Variants in TMPRSS11A observed in about 807,000 individuals in gnomAD.
TMPRSS11A encodes transmembrane protease serine 11A.
TMPRSS11A carries 53 observed loss-of-function variants against 58.9 expected under a neutral mutation model. The observed-to-expected ratio is 0.90, with a 90% CI of 0.72 to 1.13. TMPRSS11A has a LOEUF of 1.13. Among genes scored for constraint, TMPRSS11A ranks in the 50% most tolerant of loss-of-function variants. The probability of loss-of-function intolerance (pLI) is 0.00; values close to 1 mark genes in which losing one functional copy is unlikely to be tolerated. For synonymous variants in TMPRSS11A, 167 were observed against 169.8 expected, an observed-to-expected ratio of 0.98 and a Z score of 0.13; for missense variants, 493 against 499.3, an observed-to-expected ratio of 0.99 and a Z score of 0.12.
At chr4:67,929,814 T>C in intron 5 of TMPRSS11A, 66 bp downstream of exon 5, 1 of 1,326,962 alleles carries the variant, frequency 7.5e-7, no homozygotes, top group Non-Finnish European at 1.0e-6. Flanking sequence ...GACAAATAAA[T>C]TTGAGATTCG....
chr4:67,962,246 T>C (rs1721448941), intron 1 of TMPRSS11A, among the ~76,000 whole-genome samples: 2 of 152,146 alleles, frequency 1.3e-5, no homozygotes, highest in African/African-American at 4.8e-5. Context: ...TCAGAGACTT[T>C]TTGTCAATTA....
chr4:67,924,973 C>CA (rs1720426793), intron 5 of TMPRSS11A, among the ~76,000 whole-genome samples: 2 of 138,304 alleles, frequency 1.4e-5, no homozygotes, highest in African/African-American at 5.3e-5. Flanking sequence ...TCACATAAAT[C>CA]TTTTTTTTTT....
chr4:67,910,790 T>A lies in TMPRSS11A; in HGVS notation c.*552A>T, dbSNP rs1315074573. The A allele has an allele frequency of 6.6e-6, 1 of 152,118 alleles. No individual in the cohort carries two copies. Among genetic ancestry groups the A allele is most frequent in the Non-Finnish European group, 1.5e-5 (1 of 67,976 alleles). The allele number at this position is 152,118 out of a possible 1,614,324, so 9.4% of individuals were successfully genotyped here. A position where few individuals can be genotyped will look rare whatever the true frequency, so the allele number is the denominator to read the frequency against. On this transcript the variant is annotated 3_prime_UTR_variant, in exon 10 of 10. Transcript: ENST00000508048. Reference sequence around the variant, plus strand: ...AGAAGATCTCTGGCTTGTTTTACTATCAGACTTTGTTTCCTACATATGACT... The same window carrying A: ...AGAAGATCTCTGGCTTGTTTTACTAACAGACTTTGTTTCCTACATATGACT...
At chr4:67,935,787 A>G (rs973685325) in intron 3 of TMPRSS11A, among the ~76,000 whole-genome samples, 3 of 152,204 alleles carry the variant, frequency 2.0e-5, no homozygotes, top group Non-Finnish European at 4.4e-5. Context: ...GTTGAGATCA[A>G]TGCTCCTAGA....
chr4:67,913,225 C>T (rs1166265099), intron 9 of TMPRSS11A, among the ~76,000 whole-genome samples: 1 of 152,084 alleles, frequency 6.6e-6, no homozygotes, highest in Admixed American at 6.6e-5. Context: ...GAAACTTAAT[C>T]TCCAATACAA....
chr4:67,927,409 G>C (rs983023604), intron 5 of TMPRSS11A, among the ~76,000 whole-genome samples: 1 of 152,308 alleles, frequency 6.6e-6, no homozygotes, highest in African/African-American at 2.4e-5. Flanking sequence ...GCTTTGTCCA[G>C]CCACAGCCTC....
chr4:67,933,476 A>G (rs1024275113), intron 3 of TMPRSS11A, among the ~76,000 whole-genome samples: 4 of 152,202 alleles, frequency 2.6e-5, no homozygotes, highest in African/African-American at 9.6e-5. Flanking sequence ...GTTATCAAGT[A>G]ATTTATTGAC....
intron 5 of TMPRSS11A, among the ~76,000 whole-genome samples, chr4:67,927,872 C>G (rs1274028450): frequency 6.6e-6 from 1 of 152,206 alleles, no homozygotes; most frequent in African/African-American, 2.4e-5. Context: ...CTTTATTTCA[C>G]ATTGTGTTTT....
rs1719983157 is a variant in TMPRSS11A at position 67,911,604 on chromosome 4, A to G, written c.1096-101T>C. The stretch of plus-strand genomic sequence containing the variant: ...ATCACATATTTTGTTACTAGACAGT[A>G]CATGTATAGACTATCAACACAGAAT... On this transcript the variant is annotated intron_variant, in intron 9 of 9. Transcript: ENST00000508048. 8 of 773,430 alleles carry G rather than the reference A, an allele frequency of 1.0e-5. 1 individual carries two copies. The highest frequency in any genetic ancestry group is 2.8e-5 in the Admixed American group (1 of 35,356). The allele number at this position is 773,430 out of a possible 1,614,324, so 47.9% of individuals were successfully genotyped here.
intron 8 of TMPRSS11A, among the ~76,000 whole-genome samples, chr4:67,917,661 T>C (rs1720195535): frequency 6.6e-6 from 1 of 152,022 alleles, no homozygotes; most frequent in African/African-American, 2.4e-5. Context: ...TCAAGTAGGG[T>C]GGAGTGCTCT....
At position 67,911,486 on chromosome 4, in the gene TMPRSS11A, A is replaced by G. The variant is rs372154196; in HGVS notation, c.1113T>C (p.Pro371=). The G allele has an allele frequency of 3.1e-6, 5 of 1,611,944 alleles. No individual in the cohort carries two copies. Among genetic ancestry groups the G allele is most frequent in the African/African-American group, 1.3e-5 (1 of 74,948 alleles). The change falls in exon 10 of 10, where the codon CCT becomes CCC. Residue 371 remains proline (P), a synonymous_variant. Coordinates refer to ENST00000508048, the MANE Select transcript of TMPRSS11A (RefSeq NM_001114387.2). ...TATCTTTCAGATCCCTTGTGACTAA[A>G]GGTCCCCCAGAATCACCCTAAAAAT... ...YDACRGDSGG[P]LVTRDLKDTW... is the part of the protein sequence containing the mutation.
chr4:67,934,611 T>G (rs560175246), intron 3 of TMPRSS11A, among the ~76,000 whole-genome samples: 2 of 152,116 alleles, frequency 1.3e-5, no homozygotes, highest in Non-Finnish European at 2.9e-5. Context: ...CAAAAGACCC[T>G]CTTTCAGGGT....
In TMPRSS11A at chr4:67,916,472, T is replaced by TACAC. The variant is rs34678013; in HGVS notation, c.953-1746_953-1743dup. ...GAATACAATTGGTTTATATATATTA[T>TACAC]ACACACACACACACACACACACACA... is the stretch of plus-strand genomic sequence containing the variant. On this transcript the variant is annotated intron_variant, in intron 8 of 9. Transcript: ENST00000508048. Among the ~76,000 whole-genome samples the TACAC allele has an allele frequency of 9.3e-3, 1,398 of 150,188 alleles. 17 individuals are homozygous for TACAC. The highest frequency in any genetic ancestry group is 0.065 in the East Asian group (328 of 5,066).
chr4:67,954,884 T>A (rs1228019971), intron 1 of TMPRSS11A, among the ~76,000 whole-genome samples: 1 of 152,214 alleles, frequency 6.6e-6, no homozygotes, highest in Non-Finnish European at 1.5e-5. Context: ...TCATAGGATT[T>A]GTATGAAGAT....
chr4:67,915,766 A>G (rs977830184), intron 8 of TMPRSS11A, among the ~76,000 whole-genome samples: 1 of 152,168 alleles, frequency 6.6e-6, no homozygotes, highest in African/African-American at 2.4e-5. Context: ...GGAGCCACAG[A>G]TGTGGCCACA....
Position 67,944,375 on chromosome 4 carries a change from CA to C in TMPRSS11A, c.252+143del, listed in dbSNP as rs541838380. ...CCCATCTCATCATACTCTGATTAAG[CA>C]GGTCTGGGATGGGGCCTAGCAATCT... On this transcript the variant is annotated intron_variant, in intron 3 of 9. Transcript: ENST00000508048. The C allele has an allele frequency of 1.0e-3, 868 of 845,964 alleles. 9 individuals are homozygous for C. In the African/African-American group the frequency reaches 0.014, roughly 13 times the overall value. The allele number at this position is 845,964 out of a possible 1,614,324, so 52.4% of individuals were successfully genotyped here. A position where few individuals can be genotyped will look rare whatever the true frequency, so the allele number is the denominator to read the frequency against.
chr4:67,923,020 T>C (rs1720371688), intron 6 of TMPRSS11A, 94 bp from the exon 7 acceptor site: 2 of 1,195,688 alleles, frequency 1.7e-6, no homozygotes, highest in East Asian at 2.4e-5. Context: ...TTTCGTATAC[T>C]ACTCCTCCTG....
chr4:67,944,202 C>T (rs182423522), intron 3 of TMPRSS11A, among the ~76,000 whole-genome samples: 1 of 152,096 alleles, frequency 6.6e-6, no homozygotes, highest in East Asian at 1.9e-4. Context: ...ACAGGGGAAA[C>T]GTGGTGGAAT....
chr4:67,910,762 G>A lies in TMPRSS11A; in HGVS notation c.*580C>T, dbSNP rs1423905185. The A allele has an allele frequency of 6.6e-6, 1 of 151,924 alleles. No homozygotes were observed. The highest frequency in any genetic ancestry group is 2.4e-5 in the African/African-American group (1 of 41,386). 9.4% of individuals were successfully genotyped at this position (151,924 alleles called of 1,614,324 possible). A position where few individuals can be genotyped will look rare whatever the true frequency, so the allele number is the denominator to read the frequency against. On this transcript the variant is annotated 3_prime_UTR_variant, in exon 10 of 10. Coordinates refer to ENST00000508048, the MANE Select transcript of TMPRSS11A (RefSeq NM_001114387.2). ...ATTAGAGGTTTTATAACTAAAAAAA[G>A]TTAGAAGATCTCTGGCTTGTTTTAC... is the stretch of plus-strand genomic sequence containing the variant.
Sources: allele counts gnomAD v4.1 joint callset (sites outside exome capture counted in the v4.1 genomes callset), GRCh38; gene constraint gnomAD v4.1.1; transcripts MANE v1.5; gene names NCBI Gene and HGNC (gene_info 2026-07-23, HGNC 2026-07-21).